GRM7: variants seen among roughly 807,000 people sequenced by gnomAD.
GRM7 encodes metabotropic glutamate receptor 7.
Under a neutral mutation model 84.5 loss-of-function variants are expected in GRM7, and 35 were observed. That is an observed-to-expected ratio of 0.41 (90% confidence interval 0.32 to 0.55). GRM7 has a LOEUF of 0.55. GRM7 is among the 20% of genes least tolerant of loss of function. GRM7 has a pLI of 0.19. For synonymous variants in GRM7, 487 were observed against 455.1 expected (o/e 1.07, Z -0.89); for missense variants, 1,003 against 1,194.6 (o/e 0.84, Z 2.36).
intron 2 of GRM7, among the ~76,000 whole-genome samples, chr3:7,181,099 A>G (rs372364239): frequency 2.6e-5 from 4 of 152,320 alleles, no homozygotes; most frequent in Non-Finnish European, 2.9e-5. Context: ...TATCATAGAT[A>G]TAGAGACGGA....
chr3:7,151,597 C>A lies in GRM7; in HGVS notation c.736+4929C>A, dbSNP rs1250716151. Reference sequence around the variant, plus strand: ...AGCTCCATAAGGGCAAGGACATTTTCCTGTGTTTCTATTATCTAAGATAAT... The same window carrying A: ...AGCTCCATAAGGGCAAGGACATTTTACTGTGTTTCTATTATCTAAGATAAT... On this transcript the variant is annotated intron_variant, in intron 2 of 9. Coordinates refer to ENST00000357716, the MANE Select transcript of GRM7 (RefSeq NM_000844.4). This position sits in a 1 kb window ranked among gnomAD's most constrained non-coding sequence, Gnocchi z 4.5. 6.6e-6 allele frequency among the ~76,000 whole-genome samples: 1 copy of A among 152,104 alleles called. No individual in the cohort carries two copies. Among genetic ancestry groups the A allele is most frequent in the African/African-American group, 2.4e-5 (1 of 41,422 alleles).
intron 2 of GRM7, among the ~76,000 whole-genome samples, chr3:7,187,575 G>A (rs181637531): frequency 6.6e-5 from 10 of 152,292 alleles, no homozygotes; most frequent in South Asian, 2.1e-4. Context: ...GTCTGATGGC[G>A]TTGCAGCTCC....
intron 5 of GRM7, among the ~76,000 whole-genome samples, chr3:7,443,509 T>TTA (rs1697379142): frequency 6.6e-6 from 1 of 152,266 alleles, no homozygotes; most frequent in African/African-American, 2.4e-5. Context: ...AATCTAAATA[T>TTA]GTTTCCCTCC....
At chr3:7,141,470 G>A (rs892018608) in intron 1 of GRM7, among the ~76,000 whole-genome samples, 2 of 151,840 alleles carry the variant, frequency 1.3e-5, no homozygotes, top group Admixed American at 6.6e-5. Flanking sequence ...TTTCCCATGC[G>A]GGAAGATAAA....
intron 2 of GRM7, among the ~76,000 whole-genome samples, chr3:7,152,918 C>T (rs1298460727): frequency 1.3e-5 from 2 of 152,150 alleles, no homozygotes; most frequent in Non-Finnish European, 2.9e-5. Context: ...CTTGGCTAAT[C>T]AGACATACCT....
chr3:7,132,302 G>A lies in GRM7; in HGVS notation c.520-14150G>A, dbSNP rs142547356. Among the ~76,000 whole-genome samples the A allele has an allele frequency of 5.0e-3, 761 of 152,238 alleles. 8 individuals are homozygous for A. Among genetic ancestry groups the A allele is most frequent in the African/African-American group, 0.018 (732 of 41,556 alleles). On this transcript the variant is annotated intron_variant, in intron 1 of 9. Coordinates refer to ENST00000357716, the MANE Select transcript of GRM7 (RefSeq NM_000844.4). ...ACATATTATATTCCTTACTTGGTATGTAACAAAACATAAATACGCTCATGG... is the reference window on the plus strand; with the variant it reads ...ACATATTATATTCCTTACTTGGTATATAACAAAACATAAATACGCTCATGG...
intron 4 of GRM7, among the ~76,000 whole-genome samples, chr3:7,386,742 G>A (rs1335774986): frequency 1.3e-5 from 2 of 152,164 alleles, no homozygotes; most frequent in African/African-American, 2.4e-5. Flanking sequence ...AAGTGCGGGT[G>A]TCTTTTGGGT....
intron 7 of GRM7, among the ~76,000 whole-genome samples, chr3:7,482,563 G>A (rs564949726): frequency 6.6e-5 from 10 of 152,264 alleles, no homozygotes; most frequent in South Asian, 2.1e-4. Context: ...AAGTGCCCCC[G>A]GATTTGTGGA....
At chr3:7,354,635 C>T (rs920019951) in intron 4 of GRM7, among the ~76,000 whole-genome samples, 5 of 152,086 alleles carry the variant, frequency 3.3e-5, no homozygotes, top group African/African-American at 1.2e-4. Flanking sequence ...TTCCCACATC[C>T]CCATTCTATT....
Position 7,428,077 on chromosome 3 carries a change from T to C in GRM7, c.1174+12914T>C, listed in dbSNP as rs557250717. 3.6e-4 allele frequency among the ~76,000 whole-genome samples: 55 copies of C among 152,300 alleles called. 1 individual carries two copies. The highest frequency in any genetic ancestry group is 3.4e-3 in the Middle Eastern group (1 of 294). On this transcript the variant is annotated intron_variant, in intron 5 of 9. Transcript: ENST00000357716. The stretch of plus-strand genomic sequence containing the variant: ...CAAAGAAAAGATACGGAGTGACCTA[T>C]ATGTCTGTAGGCTTCTGTGTTTTGG...
rs371826840 is a variant in GRM7, at chr3:7,578,509, A to C, written c.1603A>C (p.Thr535Pro). The change falls in exon 8 of 10, where the codon ACA becomes CCA. Residue 535 changes from threonine (T) to proline (P), a missense_variant. Coordinates refer to ENST00000357716, the MANE Select transcript of GRM7 (RefSeq NM_000844.4). The part of the protein sequence containing the change: ...LPCKPGQRKK[T>P]QKGTPCCWTC... Reference sequence around the variant, plus strand: ...ATGTAAGCCAGGACAGAGAAAGAAGACACAGAAAGGAACTCCTTGCTGTTG... The same window carrying C: ...ATGTAAGCCAGGACAGAGAAAGAAGCCACAGAAAGGAACTCCTTGCTGTTG... 3.2e-5 allele frequency: 52 copies of C among 1,613,752 alleles called. No individual in the cohort carries two copies. The highest frequency in any genetic ancestry group is 4.2e-5 in the Non-Finnish European group (50 of 1,179,780).
chr3:7,076,203 A>G (rs1167746260), intron 1 of GRM7, among the ~76,000 whole-genome samples: 2 of 152,148 alleles, frequency 1.3e-5, no homozygotes, highest in Non-Finnish European at 2.9e-5. Context: ...ATACAAATAC[A>G]CAATTTAAAC....
At chr3:7,425,288 A>G (rs532014449) in intron 5 of GRM7, among the ~76,000 whole-genome samples, 133 of 152,248 alleles carry the variant, frequency 8.7e-4, no homozygotes, top group Non-Finnish European at 1.7e-3. Context: ...ATAGGGCAGT[A>G]TTTTCCAGTT....
intron 5 of GRM7, among the ~76,000 whole-genome samples, chr3:7,417,183 T>C (rs1260278316): frequency 6.6e-6 from 1 of 152,152 alleles, no homozygotes; most frequent in Admixed American, 6.6e-5. Flanking sequence ...GTTTCTTCCA[T>C]GTGAATATTT....
intron 8 of GRM7, among the ~76,000 whole-genome samples, chr3:7,580,778 T>C (rs536115897): frequency 3.0e-4 from 45 of 152,302 alleles, no homozygotes; most frequent in African/African-American, 1.0e-3. Flanking sequence ...TTTCATAATC[T>C]ATGTTTACTG....
chr3:7,133,716 T>C (rs1693678048), intron 1 of GRM7, among the ~76,000 whole-genome samples: 1 of 152,138 alleles, frequency 6.6e-6, no homozygotes, highest in Non-Finnish European at 1.5e-5. Flanking sequence ...TCTTACTCTG[T>C]TTAGTTTTTG....
intron 4 of GRM7, among the ~76,000 whole-genome samples, chr3:7,356,459 G>T (rs926653722): frequency 6.6e-6 from 1 of 151,732 alleles, no homozygotes; most frequent in Admixed American, 6.6e-5. Flanking sequence ...GTGCCACCAC[G>T]CCTGGTTAAT....
chr3:7,589,463 T>C (rs1260364004), intron 8 of GRM7, among the ~76,000 whole-genome samples: 1 of 152,174 alleles, frequency 6.6e-6, no homozygotes, highest in Non-Finnish European at 1.5e-5. Context: ...TACAATGTAC[T>C]AGGAATGGGT....
chr3:7,395,713 G>T (rs1383566321), intron 4 of GRM7, among the ~76,000 whole-genome samples: 1 of 151,994 alleles, frequency 6.6e-6, no homozygotes. Flanking sequence ...CTTCTTATTC[G>T]CTTTCCACCA....
Sources: allele counts gnomAD v4.1 joint callset (sites outside exome capture counted in the v4.1 genomes callset), GRCh38; gene constraint gnomAD v4.1.1; non-coding constraint Gnocchi (gnomAD v3.1); transcripts MANE v1.5; gene names NCBI Gene and HGNC (gene_info 2026-07-23, HGNC 2026-07-21).